Variants in CTNNA3 observed in about 807,000 individuals in gnomAD.
CTNNA3 encodes catenin alpha 3.
A neutral mutation model predicts 95.7 loss-of-function variants in CTNNA3; 76 were observed. The observed-to-expected ratio is 0.79, with a 90% confidence interval of 0.66 to 0.96. CTNNA3 has a LOEUF of 0.96. Ranked by LOEUF, CTNNA3 falls within the 40% of genes least tolerant of loss-of-function variation. CTNNA3 has a pLI of 0.00. For synonymous variants in CTNNA3, 431 were observed against 374.4 expected (o/e 1.15, Z -1.74); for missense variants, 1,191 against 1,089.8 (o/e 1.09, Z -1.31).
chr10:67,560,458 G>A (rs1175601913), intron 3 of CTNNA3, among the ~76,000 whole-genome samples: 1 of 152,130 alleles, frequency 6.6e-6, no homozygotes, highest in Admixed American at 6.5e-5. Flanking sequence ...GTCACCAACA[G>A]GCCTGCCCTA....
rs35986426 is a variant in CTNNA3, at chr10:66,851,633, TAC to T, written c.1048-76111_1048-76110del. Reference sequence around the variant, plus strand: ...CACCCACCTCTCTCTTTCTCTCACATACACACACACACACACACACACACACA... The same window carrying T: ...CACCCACCTCTCTCTTTCTCTCACATACACACACACACACACACACACACA... On this transcript the variant is annotated intron_variant, in intron 7 of 17. Transcript: ENST00000433211. Among the ~76,000 whole-genome samples, 1,412 of 144,412 alleles carry T rather than the reference TAC, an allele frequency of 9.8e-3. 14 individuals are homozygous for T. The highest frequency in any genetic ancestry group is 0.026 in the African/African-American group (1,018 of 38,852). 94.7% of individuals were successfully genotyped at this position (144,412 alleles called of 152,430 possible). A position where few individuals can be genotyped will look rare whatever the true frequency, so the allele number is the denominator to read the frequency against.
chr10:66,257,431 T>C (rs1457765229), intron 13 of CTNNA3, among the ~76,000 whole-genome samples: 1 of 152,210 alleles, frequency 6.6e-6, no homozygotes, highest in African/African-American at 2.4e-5. Flanking sequence ...CAAGCTGCCT[T>C]GTTCCATTAT....
At chr10:66,257,413 A>T (rs2090831125) in intron 13 of CTNNA3, among the ~76,000 whole-genome samples, 1 of 152,188 alleles carries the variant, frequency 6.6e-6, no homozygotes, top group African/African-American at 2.4e-5. Context: ...CATTCCTTTT[A>T]GTCGTGCCAA....
intron 17 of CTNNA3, among the ~76,000 whole-genome samples, chr10:65,952,015 G>C (rs2077625570): frequency 7.4e-6 from 1 of 135,180 alleles, no homozygotes; most frequent in South Asian, 2.4e-4. Flanking sequence ...GGGCGACAGA[G>C]CGAGGCTCCG....
intron 5 of CTNNA3, among the ~76,000 whole-genome samples, chr10:67,399,968 T>C (rs1456333932): frequency 2.0e-5 from 3 of 152,144 alleles, no homozygotes; most frequent in African/African-American, 2.4e-5. Flanking sequence ...GTGCACAACA[T>C]GCAGGTTTGT....
intron 7 of CTNNA3, among the ~76,000 whole-genome samples, chr10:67,033,656 C>T (rs971005808): frequency 5.9e-5 from 9 of 152,148 alleles, no homozygotes; most frequent in African/African-American, 9.7e-5. Context: ...CTATTATTTT[C>T]CCCATTTTAA....
chr10:67,747,104 G>A (rs1032822447), intron 1 of CTNNA3, among the ~76,000 whole-genome samples: 1 of 152,246 alleles, frequency 6.6e-6, no homozygotes, highest in African/African-American at 2.4e-5. Flanking sequence ...ACTCTAGCCA[G>A]GGGCTTAGAG....
intron 9 of CTNNA3, among the ~76,000 whole-genome samples, chr10:66,628,255 T>A (rs950829938): frequency 6.6e-6 from 1 of 152,176 alleles, no homozygotes; most frequent in Non-Finnish European, 1.5e-5. Context: ...ATTAACACAT[T>A]TGGTGAATTC....
chr10:67,353,597 G>A (rs192123394), intron 5 of CTNNA3, among the ~76,000 whole-genome samples: 71 of 151,956 alleles, frequency 4.7e-4, no homozygotes, highest in African/African-American at 1.5e-3. Flanking sequence ...ACAAGGAGCT[G>A]AGAAAACAAG....
At chr10:67,724,570 T>C (rs888836265) in intron 1 of CTNNA3, among the ~76,000 whole-genome samples, 2 of 152,098 alleles carry the variant, frequency 1.3e-5, no homozygotes, top group Non-Finnish European at 2.9e-5. Flanking sequence ...AGCCCACATG[T>C]GCATATCCAC....
intron 11 of CTNNA3, among the ~76,000 whole-genome samples, chr10:66,429,375 A>C (rs1392609873): frequency 6.6e-6 from 1 of 152,222 alleles, no homozygotes; most frequent in Non-Finnish European, 1.5e-5. Flanking sequence ...CCAATAGAAA[A>C]AGAGGGAATC....
At chr10:66,744,666 A>T (rs1281959416) in intron 9 of CTNNA3, among the ~76,000 whole-genome samples, 3 of 152,180 alleles carry the variant, frequency 2.0e-5, no homozygotes, top group Non-Finnish European at 4.4e-5. Context: ...TTATTATATA[A>T]TTGGCTAATT....
chr10:66,175,850 G>A (rs906020181), intron 13 of CTNNA3, among the ~76,000 whole-genome samples: 1 of 152,128 alleles, frequency 6.6e-6, no homozygotes, highest in African/African-American at 2.4e-5. Flanking sequence ...ATTATCATGG[G>A]TTAAACTTAT....
chr10:66,925,931 C>A (rs2132617181), intron 7 of CTNNA3: 1 of 441,118 alleles, frequency 2.3e-6, no homozygotes. Context: ...CAGCAGAGAG[C>A]CTGCTCATTT....
intron 7 of CTNNA3, among the ~76,000 whole-genome samples, chr10:66,917,561 A>G (rs1239823085): frequency 6.6e-6 from 1 of 152,218 alleles, no homozygotes; most frequent in Admixed American, 6.5e-5. Flanking sequence ...ACGTTTTTAA[A>G]TCAGACATTG....
chr10:66,013,098 G>T (rs1052710160), intron 15 of CTNNA3, among the ~76,000 whole-genome samples: 2 of 152,136 alleles, frequency 1.3e-5, no homozygotes, highest in African/African-American at 4.8e-5. Context: ...ACAGTGTTTT[G>T]CCATGTTGGC....
intron 11 of CTNNA3, among the ~76,000 whole-genome samples, chr10:66,430,332 G>A (rs1422245701): frequency 1.3e-5 from 2 of 152,136 alleles, no homozygotes; most frequent in African/African-American, 4.8e-5. Context: ...TACTGGCCAA[G>A]GTAATTTATA....
At chr10:66,807,726 A>T (rs546691208) in intron 7 of CTNNA3, among the ~76,000 whole-genome samples, 77 of 152,300 alleles carry the variant, frequency 5.1e-4, no homozygotes, top group African/African-American at 1.3e-3. Context: ...AAAAATTTTT[A>T]AAATACAAAA....
At chr10:66,721,657 G>C (rs1848630965) in intron 9 of CTNNA3, among the ~76,000 whole-genome samples, 1 of 152,178 alleles carries the variant, frequency 6.6e-6, no homozygotes, top group Non-Finnish European at 1.5e-5. Flanking sequence ...TCAGCCAGAA[G>C]GGAGCAAGAG....
Sources: gnomAD v4.1 joint callset for allele counts (sites outside exome capture counted in the v4.1 genomes callset) on GRCh38, gnomAD v4.1.1 for gene constraint, MANE v1.5 for transcripts, NCBI Gene and HGNC (gene_info 2026-07-23, HGNC 2026-07-21) for gene names.